KHNYN: variants seen among roughly 807,000 people sequenced by gnomAD.
KHNYN encodes KH and NYN domain containing.
A neutral mutation model predicts 62.7 loss-of-function variants in KHNYN; 42 were observed. That is an observed-to-expected ratio of 0.67 (90% CI 0.52 to 0.87). The LOEUF (loss-of-function observed/expected upper bound fraction) is 0.87, where lower values mean the gene tolerates loss of function less well. Ranked by LOEUF, KHNYN falls within the 40% of genes least tolerant of loss-of-function variation. The probability of loss-of-function intolerance (pLI) is 0.00; values close to 1 mark genes in which losing one functional copy is unlikely to be tolerated. For synonymous variants in KHNYN, 347 were observed against 345.6 expected (o/e 1.00, Z -0.04); for missense variants, 829 against 874.1 (o/e 0.95, Z 0.65).
intron 5 of KHNYN, chr14:24,435,700 G>A: frequency 3.8e-6 from 1 of 264,280 alleles, no homozygotes; most frequent in South Asian, 5.1e-5. Flanking sequence ...GACTATGGTT[G>A]GCAGATAGGA....
At chr14:24,430,556 C>T in intron 1 of KHNYN, 158 bp from the exon 2 acceptor site, 1 of 1,423,102 alleles carries the variant, frequency 7.0e-7, no homozygotes, top group Non-Finnish European at 9.2e-7. Context: ...GTGACATACA[C>T]CCTCCCTACC....
rs1391443499 is a variant in KHNYN at position 24,438,029 on chromosome 14, C to CT, written c.*747dup. The CT allele has an allele frequency of 6.6e-6, 1 of 152,416 alleles. No individual in the cohort carries two copies. The highest frequency in any genetic ancestry group is 1.5e-5 in the Non-Finnish European group (1 of 68,004). The allele number at this position is 152,416 out of a possible 1,614,324, so 9.4% of individuals were successfully genotyped here. On this transcript the variant is annotated 3_prime_UTR_variant, in exon 8 of 8. Transcript: ENST00000553935. ...CCTCACTTTCAGAGAGATGTGGGTC[C>CT]TTTGTCTCCAGGATCCACACCCTAG... is the stretch of plus-strand genomic sequence containing the variant.
rs775622514 is a variant in KHNYN at position 24,440,942 on chromosome 14, A to G, written c.*3657A>G. 32 of 1,613,928 alleles carry G rather than the reference A, an allele frequency of 2.0e-5. No individual in the cohort carries two copies. Among genetic ancestry groups the G allele is most frequent in the Non-Finnish European group, 2.6e-5 (31 of 1,179,836 alleles). On this transcript the variant is annotated 3_prime_UTR_variant, in exon 8 of 8. Transcript: ENST00000553935. ...TGGTAGTAAGCTGCCGGTGGAACACAATCATTTGCCCTGGGTGTCCTTGGT... is the reference window on the plus strand; with the variant it reads ...TGGTAGTAAGCTGCCGGTGGAACACGATCATTTGCCCTGGGTGTCCTTGGT...
At chr14:24,435,342 G>C (rs2139392991) in intron 5 of KHNYN, 1 of 152,444 alleles carries the variant, frequency 6.6e-6, no homozygotes, top group African/African-American at 2.4e-5. Context: ...GCCTGTAGAA[G>C]GCCTTAGCTG....
At position 24,440,911 on chromosome 14, in the gene KHNYN, C is replaced by T. The variant is rs752040745; in HGVS notation, c.*3626C>T. On this transcript the variant is annotated 3_prime_UTR_variant, in exon 8 of 8. Coordinates refer to ENST00000553935, the MANE Select transcript of KHNYN (RefSeq NM_015299.3). ...GTCTTCATCATACTCCGCAGTCAGACTGGGCTGGTAGTAAGCTGCCGGTGG... is the reference window on the plus strand; with the variant it reads ...GTCTTCATCATACTCCGCAGTCAGATTGGGCTGGTAGTAAGCTGCCGGTGG... 2 of 1,614,060 alleles carry T rather than the reference C, an allele frequency of 1.2e-6. No homozygotes were observed. The highest frequency in any genetic ancestry group is 2.2e-5 in the South Asian group (2 of 91,084).
In KHNYN at chr14:24,432,242, T is replaced by A. The variant is rs2043131762; in HGVS notation, c.981T>A (p.Gly327=). 6.2e-7 allele frequency: 1 copy of A among 1,609,950 alleles called. No individual in the cohort carries two copies. Among genetic ancestry groups the A allele is most frequent in the Non-Finnish European group, 8.5e-7 (1 of 1,177,486 alleles). Residue 327 remains glycine, a synonymous_variant, in exon 3 of 8, where the codon GGT becomes GGA. Transcript: ENST00000553935. This position sits in a 1 kb window ranked among gnomAD's most constrained non-coding sequence, Gnocchi z 5.6. The part of the protein sequence containing the change: ...GGFCVHREPP[G]AHGSCHRAAQ... ...TCTGTGTCCACCGTGAGCCTCCCGG[T>A]GCCCATGGCTCCTGTCACAGGGCAG...
chr14:24,441,085 T>A lies in KHNYN; in HGVS notation c.*3800T>A. On this transcript the variant is annotated 3_prime_UTR_variant, in exon 8 of 8. Transcript: ENST00000553935. ...TTTCCCCTTGAACTTCTCCATGACCTGAAGCGTTCCTTCCCTGGAGGAACT... is the reference window on the plus strand; with the variant it reads ...TTTCCCCTTGAACTTCTCCATGACCAGAAGCGTTCCTTCCCTGGAGGAACT... The A allele has an allele frequency of 1.3e-6, 1 of 797,148 alleles. No homozygotes were observed. Among genetic ancestry groups the A allele is most frequent in the Non-Finnish European group, 2.1e-6 (1 of 476,732 alleles). 49.4% of individuals were successfully genotyped at this position (797,148 alleles called of 1,614,324 possible).
intron 6 of KHNYN, 32 bp from the exon 7 acceptor site, chr14:24,436,354 CCT>C: frequency 6.3e-7 from 1 of 1,587,048 alleles, no homozygotes. Flanking sequence ...GCAAGGGCCC[CCT>C]CTGTGACCAC....
chr14:24,432,805 CTGTCTT>C lies in KHNYN; in HGVS notation c.1437_1442del (p.Phe480_Val481del), dbSNP rs773980999. 6.2e-7 allele frequency: 1 copy of C among 1,614,258 alleles called. No homozygotes were observed. The highest frequency in any genetic ancestry group is 8.5e-7 in the Non-Finnish European group (1 of 1,180,046). On this transcript the variant is annotated inframe_deletion, in exon 4 of 8. Transcript: ENST00000553935. The surrounding 1 kb of genome is among the most constrained non-coding windows in gnomAD (Gnocchi z 5.6). ...TGGGACCGTGGTCACCGTGACATAA[CTGTCTT>C]TGTGCCTCAGTGGCGCTTCAGTAAG...
At chr14:24,426,464 A>G (rs1675323462), upstream of KHNYN, 1 of 152,110 alleles carries the variant, frequency 6.6e-6, no homozygotes, top group African/African-American at 2.4e-5. Flanking sequence ...GACAGTTCAA[A>G]AAGTTATTTC....
chr14:24,430,439 C>T lies in KHNYN; in HGVS notation c.-17-275C>T, dbSNP rs576767282. 117 of 1,255,364 alleles carry T rather than the reference C, an allele frequency of 9.3e-5. 1 individual carries two copies. The East Asian group carries it at 3.8e-3, about 41-fold the overall frequency. 77.8% of individuals were successfully genotyped at this position (1,255,364 alleles called of 1,614,324 possible). ...CTGGCCTCCAGGCCGAGCTGGAGCCCCCCCACCCTTCTTGCTCCGGACTGT... is the reference window on the plus strand; with the variant it reads ...CTGGCCTCCAGGCCGAGCTGGAGCCTCCCCACCCTTCTTGCTCCGGACTGT... On this transcript the variant is annotated intron_variant, in intron 1 of 7. Transcript: ENST00000553935.
intron 1 of KHNYN, 191 bp downstream of exon 1, chr14:24,430,310 G>C (rs1157439170): frequency 5.8e-6 from 4 of 687,734 alleles, no homozygotes; most frequent in African/African-American, 3.9e-5. Context: ...GGAGTGGCTT[G>C]AACCTTGGAA....
In KHNYN at chr14:24,431,616, C is replaced by T; in HGVS notation, c.355C>T (p.Leu119=). ...TCTGGTGCCCAGGGCGCCAGGCTCA[C>T]TGATGATCAGTGGCCTGACTGAAGC... ...AHLVPRAPGS[L]MISGLTEAFV... The change falls in exon 3 of 8, where the codon CTG becomes TTG. Residue 119 remains leucine, a synonymous_variant. Coordinates refer to ENST00000553935, the MANE Select transcript of KHNYN (RefSeq NM_015299.3). 6.2e-7 allele frequency: 1 copy of T among 1,613,568 alleles called. No individual in the cohort carries two copies. Among genetic ancestry groups the T allele is most frequent in the Non-Finnish European group, 8.5e-7 (1 of 1,179,618 alleles).
In KHNYN at chr14:24,440,194, A is replaced by C. The variant is rs7159891; in HGVS notation, c.*2909A>C. 5,973 of 1,613,940 alleles carry C rather than the reference A, an allele frequency of 3.7e-3. 200 individuals carry two copies. The African/African-American group carries it at 0.07, about 19-fold the overall frequency. On this transcript the variant is annotated 3_prime_UTR_variant, in exon 8 of 8. Coordinates refer to ENST00000553935, the MANE Select transcript of KHNYN (RefSeq NM_015299.3). Reference sequence around the variant, plus strand: ...TCTGGCCCTCCAGCAGCATGATGGCACGCTGTCGCCCAAAGACAGCTTGCA... The same window carrying C: ...TCTGGCCCTCCAGCAGCATGATGGCCCGCTGTCGCCCAAAGACAGCTTGCA...
Position 24,431,493 on chromosome 14 carries a change from C to G in KHNYN, c.232C>G (p.Leu78Val). The change falls in exon 3 of 8, where the codon CTG becomes GTG. Residue 78 changes from leucine to valine, a missense_variant. Physicochemically the swap from Leu to Val is conservative, Grantham distance 32 (BLOSUM62 1). Transcript: ENST00000553935. ...CCTGAAGGGCCTCTGCAGCCCAGAA[C>G]TGCAGGATGAAATCCACTACCCGCC... ...EYLKGLCSPELQDEIHYPPKL... is the reference protein window; with the variant it reads ...EYLKGLCSPEVQDEIHYPPKL... The G allele has an allele frequency of 6.3e-7, 1 of 1,592,686 alleles. No homozygotes were observed. Among genetic ancestry groups the G allele is most frequent in the South Asian group, 1.1e-5 (1 of 89,570 alleles).
Position 24,440,235 on chromosome 14 carries a change from G to GA in KHNYN, c.*2951dup. Reference sequence around the variant, plus strand: ...ACAGCTTGCACCACAGCGCTGGGGAGAGGGATGAAGGCTCGGCGGCCCAGG... The same window carrying GA: ...ACAGCTTGCACCACAGCGCTGGGGAGAAGGGATGAAGGCTCGGCGGCCCAGG... On this transcript the variant is annotated 3_prime_UTR_variant, in exon 8 of 8. Coordinates refer to ENST00000553935, the MANE Select transcript of KHNYN (RefSeq NM_015299.3). The GA allele has an allele frequency of 6.2e-7, 1 of 1,613,934 alleles. No individual in the cohort carries two copies. Among genetic ancestry groups the GA allele is most frequent in the Non-Finnish European group, 8.5e-7 (1 of 1,179,784 alleles).
At chr14:24,431,442 C>G in intron 2 of KHNYN, 21 bp from the exon 3 acceptor site, 1 of 1,539,386 alleles carries the variant, frequency 6.5e-7, no homozygotes, top group Non-Finnish European at 8.8e-7. Flanking sequence ...CTTTTCCTGA[C>G]CTTCCCTTCC....
chr14:24,431,137 C>T (rs1222738638), intron 2 of KHNYN, among the ~76,000 whole-genome samples: 1 of 152,190 alleles, frequency 6.6e-6, no homozygotes, highest in African/African-American at 2.4e-5. Context: ...TTAATTTCTT[C>T]TGTGATGGCC....
upstream of KHNYN, chr14:24,427,922 C>T (rs905850443): frequency 3.7e-6 from 6 of 1,613,946 alleles, no homozygotes; most frequent in Middle Eastern, 3.3e-4. The surrounding 1 kb of genome is among the most constrained non-coding windows in gnomAD (Gnocchi z 4.4). Context: ...GGCTGCCTCC[C>T]GGGTCACGTC....
Sources: gnomAD v4.1 joint callset for allele counts (sites outside exome capture counted in the v4.1 genomes callset) on GRCh38, gnomAD v4.1.1 for gene constraint, Gnocchi (gnomAD v3.1) non-coding constraint, MANE v1.5 for transcripts, NCBI Gene and HGNC (gene_info 2026-07-23, HGNC 2026-07-21) for gene names.